GPR55: variants seen among roughly 807,000 people sequenced by gnomAD.
GPR55 encodes the protein G protein-coupled receptor 55.
A neutral mutation model predicts 7.9 loss-of-function variants in GPR55; 6 were observed. That is an observed-to-expected ratio of 0.76 (90% CI 0.41 to 1.49). The LOEUF is 1.49. Ranked by LOEUF, GPR55 falls within the 40% of genes most tolerant of loss-of-function variation. The pLI is 0.01. For missense variants in GPR55, 376 were observed against 406.0 expected (o/e 0.93, Z 0.63); for synonymous variants, 183 against 166.8 (o/e 1.10, Z -0.75).
At position 230,909,029 on chromosome 2, in the gene GPR55, C is replaced by T. The variant is rs1690519984; in HGVS notation, c.*974G>A. Reference sequence around the variant, plus strand: ...GTAAGACAGCACCTCCTCCACCCTCCTATGGTGGAACCAAGGCAGGCCTGA... The same window carrying T: ...GTAAGACAGCACCTCCTCCACCCTCTTATGGTGGAACCAAGGCAGGCCTGA... On this transcript the variant is annotated 3_prime_UTR_variant, in exon 2 of 2. Transcript: ENST00000650999. The T allele has an allele frequency of 1.3e-5, 2 of 152,314 alleles. No homozygotes were observed. The highest frequency in any genetic ancestry group is 1.3e-4 in the Admixed American group (2 of 15,288). 9.4% of individuals were successfully genotyped at this position (152,314 alleles called of 1,614,324 possible).
At chr2:230,934,279 A>C (rs1197140672) in intron 1 of GPR55, among the ~76,000 whole-genome samples, 1 of 152,042 alleles carries the variant, frequency 6.6e-6, no homozygotes, top group Non-Finnish European at 1.5e-5. Context: ...CAGGGCCAGC[A>C]CCTCTCTGCA....
rs1690894652 is a variant in GPR55, at chr2:230,923,942, ACT to A, written c.-135+1224_-135+1225del. ...TGCTCATGCTCCTCTTTCTCCTTGG[ACT>A]CTCTCCTCCACTGCTAAAAATCCCA... On this transcript the variant is annotated intron_variant, in intron 1 of 1. Transcript: ENST00000650999. This position sits in a 1 kb window ranked among gnomAD's most constrained non-coding sequence, Gnocchi z 4.1. Among the ~76,000 whole-genome samples the A allele has an allele frequency of 2.7e-5, 4 of 150,714 alleles. No individual in the cohort carries two copies. The South Asian group carries it at 6.3e-4, about 24-fold the overall frequency.
intron 1 of GPR55, among the ~76,000 whole-genome samples, chr2:230,960,496 G>GA (rs374008827): frequency 1.5e-4 from 23 of 149,608 alleles, no homozygotes; most frequent in Non-Finnish European, 2.1e-4. Context: ...CTTTAGCAAG[G>GA]AAAAAAAAAT....
intron 1 of GPR55, among the ~76,000 whole-genome samples, chr2:230,949,025 T>C (rs1029623306): frequency 5.3e-5 from 8 of 152,206 alleles, no homozygotes; most frequent in African/African-American, 1.9e-4. Flanking sequence ...GCTGGGATGG[T>C]GCCACCGCAC....
intron 1 of GPR55, among the ~76,000 whole-genome samples, chr2:230,922,858 C>T (rs1427950394): frequency 3.3e-5 from 5 of 152,120 alleles, no homozygotes; most frequent in South Asian, 2.1e-4. Flanking sequence ...TGTGAGCCAT[C>T]GCTCCTGGCC....
At chr2:230,932,245 T>C (rs1691060917) in intron 1 of GPR55, among the ~76,000 whole-genome samples, 1 of 152,190 alleles carries the variant, frequency 6.6e-6, no homozygotes, top group Non-Finnish European at 1.5e-5. Flanking sequence ...GTGGGAGGCA[T>C]CCAGAGGGCA....
intron 1 of GPR55, among the ~76,000 whole-genome samples, chr2:230,922,457 C>T (rs1463200318): frequency 6.6e-6 from 1 of 152,160 alleles, no homozygotes; most frequent in African/African-American, 2.4e-5. Context: ...TTCACTGCAA[C>T]CTCAACTTCC....
At chr2:230,948,346 T>G (rs1026921483) in intron 1 of GPR55, among the ~76,000 whole-genome samples, 1 of 152,090 alleles carries the variant, frequency 6.6e-6, no homozygotes, top group Non-Finnish European at 1.5e-5. Context: ...GTGGCTGCTC[T>G]CCACACACCT....
At chr2:230,918,725 A>G (rs984421720) in intron 1 of GPR55, among the ~76,000 whole-genome samples, 27 of 152,314 alleles carry the variant, frequency 1.8e-4, no homozygotes, top group African/African-American at 6.5e-4. Context: ...CAGATTCACT[A>G]TAGAAATGTA....
At chr2:230,936,002 GTT>G (rs1691125804) in intron 1 of GPR55, among the ~76,000 whole-genome samples, 1 of 152,204 alleles carries the variant, frequency 6.6e-6, no homozygotes, top group Non-Finnish European at 1.5e-5. Flanking sequence ...AAGCTTGTGA[GTT>G]TGTAGGAAAT....
chr2:230,934,181 C>T (rs538190176), intron 1 of GPR55, among the ~76,000 whole-genome samples: 50 of 152,290 alleles, frequency 3.3e-4, no homozygotes, highest in African/African-American at 1.2e-3. Context: ...GCTGTTTCTC[C>T]ACCTGCCCCT....
chr2:230,919,344 C>T (rs545574706), intron 1 of GPR55, among the ~76,000 whole-genome samples: 1 of 152,200 alleles, frequency 6.6e-6, no homozygotes, highest in East Asian at 1.9e-4. Context: ...AAAGTCTTAA[C>T]ATCAAATAAT....
chr2:230,914,811 T>C (rs73992970), intron 1 of GPR55, among the ~76,000 whole-genome samples: 4,834 of 152,182 alleles, frequency 0.032, 185 homozygotes, highest in African/African-American at 0.089. Flanking sequence ...TCCCCTCAGG[T>C]CCCCTGAGAA....
intron 1 of GPR55, among the ~76,000 whole-genome samples, chr2:230,922,800 C>T (rs1690868073): frequency 6.6e-6 from 1 of 152,166 alleles, no homozygotes; most frequent in Non-Finnish European, 1.5e-5. Flanking sequence ...GTCTCGAACT[C>T]CCGACCTCAG....
chr2:230,933,384 A>G (rs6725053), intron 1 of GPR55, among the ~76,000 whole-genome samples: 65,275 of 152,022 alleles, frequency 0.43, 16,729 homozygotes, highest in African/African-American at 0.73. Flanking sequence ...GTCTCCTGGG[A>G]CCCTGATGTC....
At chr2:230,918,089 GTA>G in intron 1 of GPR55, among the ~76,000 whole-genome samples, 1 of 152,138 alleles carries the variant, frequency 6.6e-6, no homozygotes, top group Non-Finnish European at 1.5e-5. Flanking sequence ...CAGGAAAAAA[GTA>G]TAAAGATAAA....
chr2:230,936,578 G>A (rs541652835), intron 1 of GPR55, among the ~76,000 whole-genome samples: 1 of 152,112 alleles, frequency 6.6e-6, no homozygotes, highest in African/African-American at 2.4e-5. Flanking sequence ...CCCAGTCTTG[G>A]GTATGTGTTT....
intron 1 of GPR55, among the ~76,000 whole-genome samples, chr2:230,940,767 C>G (rs1165352744): frequency 6.6e-6 from 1 of 152,210 alleles, no homozygotes; most frequent in Non-Finnish European, 1.5e-5. Context: ...CTTGCCTGCC[C>G]TGGGTGGGAA....
chr2:230,924,175 G>T lies in GPR55; in HGVS notation c.-135+993C>A, dbSNP rs753505931. ...TCACATACAGTTTGTCGTTGGGAAG[G>T]TCTTATTGCATGAAAGAGGGGGTGA... On this transcript the variant is annotated intron_variant, in intron 1 of 1. Coordinates refer to ENST00000650999, the MANE Select transcript of GPR55 (RefSeq NM_005683.4). This position sits in a 1 kb window ranked among gnomAD's most constrained non-coding sequence, Gnocchi z 4.5. Among the ~76,000 whole-genome samples, 85 of 152,302 alleles carry T rather than the reference G, an allele frequency of 5.6e-4. No homozygotes were observed. Among genetic ancestry groups the T allele is most frequent in the Middle Eastern group, 6.8e-3 (2 of 294 alleles).
Sources: allele counts gnomAD v4.1 joint callset (sites outside exome capture counted in the v4.1 genomes callset), GRCh38; gene constraint gnomAD v4.1.1; non-coding constraint Gnocchi (gnomAD v3.1); transcripts MANE v1.5; gene names NCBI Gene and HGNC (gene_info 2026-07-23, HGNC 2026-07-21).